The following TBC1D8 variants were observed in gnomAD, a reference collection of about 807,000 sequenced individuals.
The protein encoded by TBC1D8 is BUB2-like protein 1.
Under a neutral mutation model 118.8 loss-of-function variants are expected in TBC1D8, and 65 were observed. The ratio of observed to expected loss-of-function variants is 0.55; its 90% CI spans 0.45 to 0.67. TBC1D8 has a LOEUF of 0.67. Ranked by LOEUF, TBC1D8 falls within the 30% of genes least tolerant of loss-of-function variation. The pLI, the probability that TBC1D8 is intolerant of heterozygous loss-of-function variation, is 0.00. For synonymous variants in TBC1D8, 566 were observed against 595.8 expected (o/e 0.95, Z 0.73); for missense variants, 1,376 against 1,471.2 (o/e 0.94, Z 1.06).
At chr2:101,058,787 A>G (rs1682584042) in intron 3 of TBC1D8, among the ~76,000 whole-genome samples, 1 of 152,130 alleles carries the variant, frequency 6.6e-6, no homozygotes, top group Non-Finnish European at 1.5e-5. Context: ...GAAGTCAAAT[A>G]ATGTGTTGCT....
chr2:101,055,061 A>G (rs1353472504), intron 3 of TBC1D8, among the ~76,000 whole-genome samples: 1 of 152,040 alleles, frequency 6.6e-6, no homozygotes, highest in Non-Finnish European at 1.5e-5. Context: ...CTCAGCATCA[A>G]TCCCAAAGAA....
At position 101,036,517 on chromosome 2, in the gene TBC1D8, C is replaced by T. The variant is rs112304900; in HGVS notation, c.1453-349G>A. Reference sequence around the variant, plus strand: ...GGGAGGGAGGGGTGGGTAAGGGGGACGCTGGGGGAAGCTTTCTCTGGATGT... The same window carrying T: ...GGGAGGGAGGGGTGGGTAAGGGGGATGCTGGGGGAAGCTTTCTCTGGATGT... On this transcript the variant is annotated intron_variant, in intron 8 of 19. Coordinates refer to ENST00000409318, the MANE Select transcript of TBC1D8 (RefSeq NM_001330348.2). Among the ~76,000 whole-genome samples the T allele has an allele frequency of 1.2e-3, 186 of 151,394 alleles. 1 individual carries two copies. The highest frequency in any genetic ancestry group is 4.3e-3 in the African/African-American group (176 of 41,162).
intron 10 of TBC1D8, chr2:101,033,031 G>GTCTGAGC (rs1394573057): frequency 4.5e-6 from 1 of 221,102 alleles, no homozygotes; most frequent in Non-Finnish European, 9.2e-6. Context: ...GCCCTCCTAC[G>GTCTGAGC]TCTGAGCTCA....
rs773774412 is a variant in TBC1D8 at position 101,028,033 on chromosome 2, G to A, written c.2451+15C>T. 1.2e-6 allele frequency: 2 copies of A among 1,612,812 alleles called. No homozygotes were observed. The highest frequency in any genetic ancestry group is 2.2e-5 in the East Asian group (1 of 44,878). ...CCAATACCGTGATCACCGGGGTGAG[G>A]CGTCTGCTACCCACCACGTTCTGCT... is the stretch of plus-strand genomic sequence containing the variant. On this transcript the variant is annotated intron_variant, in intron 14 of 19. Transcript: ENST00000409318.
intron 1 of TBC1D8, among the ~76,000 whole-genome samples, chr2:101,114,976 G>C (rs986925643): frequency 5.3e-5 from 8 of 152,324 alleles, no homozygotes; most frequent in Non-Finnish European, 1.0e-4. Context: ...CATAGAGCTA[G>C]TCTGTAAAAC....
intron 8 of TBC1D8, 54 bp downstream of exon 8, chr2:101,037,478 C>G: frequency 6.3e-7 from 1 of 1,585,298 alleles, no homozygotes; most frequent in South Asian, 1.1e-5. Flanking sequence ...GGGCAACCCC[C>G]CCAAGCCCAC....
At chr2:101,008,315 G>GGAAGT (rs1558962505) in intron 19 of TBC1D8, 42 bp from the exon 20 acceptor site, 1 of 1,444,904 alleles carries the variant, frequency 6.9e-7, no homozygotes, top group East Asian at 2.3e-5. Flanking sequence ...GAACCAGGGT[G>GGAAGT]GAAGTGTCAT....
At chr2:101,062,325 A>C (rs918575442) in intron 2 of TBC1D8, among the ~76,000 whole-genome samples, 1 of 152,054 alleles carries the variant, frequency 6.6e-6, no homozygotes, top group African/African-American at 2.4e-5. Flanking sequence ...AAACAAGTGA[A>C]GAATAAGCTA....
At chr2:101,107,932 G>GC (rs1677328493) in intron 1 of TBC1D8, among the ~76,000 whole-genome samples, 2 of 152,200 alleles carry the variant, frequency 1.3e-5, no homozygotes, top group South Asian at 4.2e-4. Context: ...GGTAGCAGGT[G>GC]CCTGTAGTCC....
chr2:101,121,803 C>T lies in TBC1D8; in HGVS notation c.127+29324G>A, dbSNP rs190728908. 1.4e-3 allele frequency among the ~76,000 whole-genome samples: 219 copies of T among 152,312 alleles called. 1 individual carries two copies. Among genetic ancestry groups the T allele is most frequent in the Non-Finnish European group, 2.1e-3 (146 of 68,028 alleles). On this transcript the variant is annotated intron_variant, in intron 1 of 19. Transcript: ENST00000409318. Reference sequence around the variant, plus strand: ...AAATGCGGCCAGGCACAGTGGCTCACGCCTGTAATCCCAGCACTTTGGGAG... The same window carrying T: ...AAATGCGGCCAGGCACAGTGGCTCATGCCTGTAATCCCAGCACTTTGGGAG...
At chr2:101,060,032 C>A (rs1372593243) in intron 2 of TBC1D8, among the ~76,000 whole-genome samples, 2 of 152,380 alleles carry the variant, frequency 1.3e-5, no homozygotes, top group East Asian at 3.9e-4. Context: ...CTCCTCCCTG[C>A]AGGACTGGGA....
intron 2 of TBC1D8, among the ~76,000 whole-genome samples, chr2:101,069,060 G>T (rs1683166169): frequency 6.6e-6 from 1 of 151,328 alleles, no homozygotes; most frequent in Admixed American, 6.6e-5. Flanking sequence ...CAGCATTTTG[G>T]AGGCCGAGGC....
At chr2:101,090,385 A>C in intron 1 of TBC1D8, 21 bp from the exon 2 acceptor site, 1 of 1,613,230 alleles carries the variant, frequency 6.2e-7, no homozygotes, top group Non-Finnish European at 8.5e-7. Context: ...AAAGAGAAGA[A>C]AGTGCACCTG....
At chr2:101,022,173 CA>C (rs936758786) in intron 16 of TBC1D8, 107 bp downstream of exon 16, 72 of 1,534,080 alleles carry the variant, frequency 4.7e-5, no homozygotes, top group Non-Finnish European at 6.0e-5. Flanking sequence ...AGGCCAGTCA[CA>C]AAAGTGTTAC....
intron 2 of TBC1D8, among the ~76,000 whole-genome samples, chr2:101,065,682 T>G (rs1351501831): frequency 6.6e-6 from 1 of 152,232 alleles, no homozygotes; most frequent in Non-Finnish European, 1.5e-5. Context: ...TTTAAATGTT[T>G]CTTTTTACAA....
chr2:101,027,732 G>A (rs372335260), intron 14 of TBC1D8, among the ~76,000 whole-genome samples: 283 of 152,350 alleles, frequency 1.9e-3, no homozygotes, highest in African/African-American at 6.6e-3. Context: ...AGCAGGAGGA[G>A]CCTTCTGAGC....
chr2:101,109,941 G>A (rs1677490120), intron 1 of TBC1D8: 2 of 985,436 alleles, frequency 2.0e-6, no homozygotes, highest in African/African-American at 1.7e-5. Flanking sequence ...CTGCAGGGCC[G>A]CCACCTCGTG....
chr2:101,138,530 C>T (rs189567747), intron 1 of TBC1D8, among the ~76,000 whole-genome samples: 3 of 152,190 alleles, frequency 2.0e-5, no homozygotes, highest in East Asian at 3.9e-4. Flanking sequence ...CCTGCACTTC[C>T]GACCAACCAG....
intron 15 of TBC1D8, 51 bp downstream of exon 15, chr2:101,027,332 G>A: frequency 3.8e-6 from 6 of 1,566,548 alleles, no homozygotes; most frequent in Non-Finnish European, 5.3e-6. Context: ...GGGCACCGCG[G>A]CTCAGGCCAG....
Sources: gnomAD v4.1 joint callset for allele counts (sites outside exome capture counted in the v4.1 genomes callset) on GRCh38, gnomAD v4.1.1 for gene constraint, MANE v1.5 for transcripts, NCBI Gene and HGNC (gene_info 2026-07-23, HGNC 2026-07-21) for gene names.